Variants in TRIM33 observed in about 807,000 individuals in gnomAD.
TRIM33 encodes tripartite motif containing 33, also known as E3 ubiquitin-protein ligase TRIM33.
In TRIM33, 20 loss-of-function variants were observed where a neutral mutation model predicts 125.4. That is an observed-to-expected ratio of 0.16 (90% CI 0.11 to 0.23). The LOEUF (loss-of-function observed/expected upper bound fraction) is 0.23. TRIM33 is among the 10% of genes least tolerant of loss of function. The probability of loss-of-function intolerance (pLI) is 1.00; values close to 1 mark genes in which losing one functional copy is unlikely to be tolerated. For synonymous variants in TRIM33, 564 were observed against 513.9 expected, an observed-to-expected ratio of 1.10 and a Z score of -1.32; for missense variants, 920 against 1,411.4, an observed-to-expected ratio of 0.65 and a Z score of 5.58.
chr1:114,504,228 A>T (rs1652869292), intron 1 of TRIM33, among the ~76,000 whole-genome samples: 1 of 152,086 alleles, frequency 6.6e-6, no homozygotes, highest in South Asian at 2.1e-4. Flanking sequence ...ACAATGGCAC[A>T]ATCATGGCTC....
intron 13 of TRIM33, among the ~76,000 whole-genome samples, chr1:114,408,251 T>C (rs1258672067): frequency 2.6e-5 from 4 of 152,102 alleles, no homozygotes; most frequent in Non-Finnish European, 2.9e-5. Flanking sequence ...ACAAATAAAC[T>C]GATGGCAATG....
intron 17 of TRIM33, 87 bp from the exon 18 acceptor site, chr1:114,399,696 G>T: frequency 8.4e-7 from 1 of 1,188,782 alleles, no homozygotes; most frequent in Non-Finnish European, 1.2e-6. Context: ...TAATTTTAGG[G>T]AAAAAAATTA....
rs189143686 is a variant in TRIM33 at position 114,492,097 on chromosome 1, G to A, written c.526+18454C>T. Among the ~76,000 whole-genome samples the A allele has an allele frequency of 2.0e-3, 306 of 152,288 alleles. 1 individual carries two copies. The highest frequency in any genetic ancestry group is 3.7e-3 in the Non-Finnish European group (254 of 68,028). ...AGCATCTCCCAGTTTCACCTCAGCT[G>A]GGAATATGTGAATTGGGCGAGTCAA... On this transcript the variant is annotated intron_variant, in intron 1 of 19. Coordinates refer to ENST00000358465, the MANE Select transcript of TRIM33 (RefSeq NM_015906.4).
At position 114,397,608 on chromosome 1, in the gene TRIM33, T is replaced by TTTTG; in HGVS notation, c.*39_*40insCAAA. The TTTTG allele has an allele frequency of 1.4e-6, 1 of 711,406 alleles. No homozygotes were observed. Among genetic ancestry groups the TTTTG allele is most frequent in the South Asian group, 2.0e-5 (1 of 50,440 alleles). 44.1% of individuals were successfully genotyped at this position (711,406 alleles called of 1,614,324 possible). ...TTTTGTGTTTTTTTTTTTTTTTTCG[T>TTTTG]TTTTTTTTTTTTAAACAATTGATTT... is the stretch of plus-strand genomic sequence containing the variant. On this transcript the variant is annotated 3_prime_UTR_variant, in exon 20 of 20. Coordinates refer to ENST00000358465, the MANE Select transcript of TRIM33 (RefSeq NM_015906.4).
intron 1 of TRIM33, among the ~76,000 whole-genome samples, chr1:114,498,500 T>A (rs1368064888): frequency 1.3e-5 from 2 of 151,986 alleles, no homozygotes. Flanking sequence ...TACAAAAAAA[T>A]TAGCCAGGTG....
At chr1:114,470,568 A>G (rs889999877) in intron 1 of TRIM33, among the ~76,000 whole-genome samples, 3 of 152,172 alleles carry the variant, frequency 2.0e-5, no homozygotes, top group Non-Finnish European at 4.4e-5. Flanking sequence ...AATTAGGCCA[A>G]TAAATAACCC....
rs563871192 is a variant in TRIM33, at chr1:114,412,825, G to A, written c.2062-2509C>T. 1.1e-4 allele frequency among the ~76,000 whole-genome samples: 16 copies of A among 152,210 alleles called. No individual in the cohort carries two copies. In the South Asian group the frequency reaches 2.7e-3, roughly 26 times the overall value. The stretch of plus-strand genomic sequence containing the variant: ...AAAGCTGCTATAAACATTTGAGTAC[G>A]AATCTTTGTATAGAAATATTTCCTG... On this transcript the variant is annotated intron_variant, in intron 11 of 19. Coordinates refer to ENST00000358465, the MANE Select transcript of TRIM33 (RefSeq NM_015906.4).
At chr1:114,470,930 T>G (rs114585510) in intron 1 of TRIM33, among the ~76,000 whole-genome samples, 5,581 of 152,262 alleles carry the variant, frequency 0.037, 327 homozygotes, top group African/African-American at 0.13. Context: ...TCCCATGCAG[T>G]GGGGACCACA....
chr1:114,431,414 A>G (rs75481487), intron 5 of TRIM33, among the ~76,000 whole-genome samples: 3,921 of 152,312 alleles, frequency 0.026, 85 homozygotes, highest in Non-Finnish European at 0.034. Context: ...ATTACTCTTA[A>G]TATGGTTTCC....
At chr1:114,399,363 A>G (rs956717534) in intron 18 of TRIM33, 94 bp downstream of exon 18, 4 of 1,318,406 alleles carry the variant, frequency 3.0e-6, no homozygotes, top group Non-Finnish European at 4.2e-6. Context: ...GCAGAAAAAA[A>G]AATTTTAATA....
intron 1 of TRIM33, among the ~76,000 whole-genome samples, chr1:114,500,319 G>A (rs1170633923): frequency 3.3e-5 from 5 of 152,178 alleles, no homozygotes; most frequent in African/African-American, 7.2e-5. Context: ...TTTTGTTGTC[G>A]TTGTTTTTCT....
intron 1 of TRIM33, among the ~76,000 whole-genome samples, chr1:114,486,563 A>C (rs1257070490): frequency 1.3e-5 from 2 of 150,630 alleles, no homozygotes; most frequent in African/African-American, 4.9e-5. Context: ...AAAAAAAAAA[A>C]AAACCCAAAA....
intron 8 of TRIM33, among the ~76,000 whole-genome samples, chr1:114,426,351 G>A (rs74113176): frequency 0.043 from 6,596 of 152,190 alleles, 155 homozygotes; most frequent in South Asian, 0.063. Flanking sequence ...CATAAGATCT[G>A]TCTCACAGTC....
chr1:114,439,447 C>T lies in TRIM33; in HGVS notation c.924-5714G>A, dbSNP rs1235497462. Among the ~76,000 whole-genome samples, 5 of 116,266 alleles carry T rather than the reference C, an allele frequency of 4.3e-5. No individual in the cohort carries two copies. The South Asian group carries it at 9.0e-4, about 21-fold the overall frequency. The allele number at this position is 116,266 out of a possible 152,430, so 76.3% of individuals were successfully genotyped here. ...TTGCGCCACGGCACTCCAGCCTGGG[C>T]GACAGAGAGAGACTCTGTATCAAAA... On this transcript the variant is annotated intron_variant, in intron 4 of 19. Coordinates refer to ENST00000358465, the MANE Select transcript of TRIM33 (RefSeq NM_015906.4).
intron 4 of TRIM33, chr1:114,460,262 CA>C: frequency 5.2e-6 from 1 of 192,406 alleles, no homozygotes. Flanking sequence ...TAAAACTGGA[CA>C]AAGACCGCAA....
intron 4 of TRIM33, among the ~76,000 whole-genome samples, chr1:114,459,528 G>C (rs761136389): frequency 6.6e-6 from 1 of 152,146 alleles, no homozygotes; most frequent in Non-Finnish European, 1.5e-5. Context: ...TCAGCTACTG[G>C]TGAGGCTGTG....
At chr1:114,416,694 T>C (rs1467765001) in intron 11 of TRIM33, among the ~76,000 whole-genome samples, 1 of 152,214 alleles carries the variant, frequency 6.6e-6, no homozygotes, top group Non-Finnish European at 1.5e-5. Flanking sequence ...ACCTCTACAT[T>C]TGAGTCTTAA....
intron 1 of TRIM33, among the ~76,000 whole-genome samples, chr1:114,484,269 ACT>A (rs1243803483): frequency 6.6e-6 from 1 of 152,186 alleles, no homozygotes; most frequent in Non-Finnish European, 1.5e-5. Flanking sequence ...ATTCTTTTAT[ACT>A]GTTTGAAACT....
chr1:114,493,957 C>A (rs140415630), intron 1 of TRIM33, among the ~76,000 whole-genome samples: 1 of 151,996 alleles, frequency 6.6e-6, no homozygotes, highest in Non-Finnish European at 1.5e-5. Context: ...TCCCAAGTAG[C>A]GGGATTACAA....
Sources: allele counts gnomAD v4.1 joint callset (sites outside exome capture counted in the v4.1 genomes callset), GRCh38; gene constraint gnomAD v4.1.1; transcripts MANE v1.5; gene names NCBI Gene and HGNC (gene_info 2026-07-23, HGNC 2026-07-21).